Variants in SLC18B1 observed in about 807,000 individuals in gnomAD.
SLC18B1 encodes MFS-type transporter SLC18B1.
SLC18B1 carries 62 observed loss-of-function variants against 53.9 expected under a neutral mutation model. That is an observed-to-expected ratio of 1.15 (90% CI 0.94 to 1.42). The LOEUF (loss-of-function observed/expected upper bound fraction) is 1.42, where lower values mean the gene tolerates loss of function less well. SLC18B1 is among the 40% of genes most tolerant of loss of function. SLC18B1 has a pLI of 0.00. For synonymous variants in SLC18B1, 217 were observed against 200.9 expected (o/e 1.08, Z -0.68); for missense variants, 598 against 547.3 (o/e 1.09, Z -0.93).
At chr6:132,790,540 A>G (rs78663019) in intron 2 of SLC18B1, among the ~76,000 whole-genome samples, 1 of 152,234 alleles carries the variant, frequency 6.6e-6, no homozygotes, top group Non-Finnish European at 1.5e-5. Flanking sequence ...TCAGAATCAG[A>G]GTGTATAAAC....
intron 2 of SLC18B1, among the ~76,000 whole-genome samples, chr6:132,793,075 G>A (rs1408641387): frequency 1.3e-5 from 2 of 152,066 alleles, no homozygotes; most frequent in African/African-American, 4.8e-5. Context: ...AAGCTGAGAC[G>A]ATGCCGCAGC....
intron 2 of SLC18B1, 84 bp from the exon 3 acceptor site, chr6:132,790,356 T>A: frequency 1.1e-6 from 1 of 938,142 alleles, no homozygotes; most frequent in Non-Finnish European, 1.6e-6. Context: ...CAGGGCATCA[T>A]CTTCTTGTGA....
chr6:132,793,501 T>A (rs550842041), intron 2 of SLC18B1, among the ~76,000 whole-genome samples: 7 of 152,326 alleles, frequency 4.6e-5, no homozygotes, highest in African/African-American at 1.2e-4. Flanking sequence ...CTTGCCAGCA[T>A]AATGTCATAA....
At chr6:132,793,433 C>T (rs999415955) in intron 2 of SLC18B1, among the ~76,000 whole-genome samples, 8 of 152,156 alleles carry the variant, frequency 5.3e-5, no homozygotes, top group South Asian at 2.1e-4. Context: ...TTCAGCCTTC[C>T]CTCTGCGAGG....
intron 6 of SLC18B1, among the ~76,000 whole-genome samples, chr6:132,779,967 TG>T (rs1781190823): frequency 6.6e-6 from 1 of 152,094 alleles, no homozygotes; most frequent in Non-Finnish European, 1.5e-5. Context: ...GAGAACAGTA[TG>T]GGGGAAATCA....
chr6:132,792,822 T>G (rs1397415327), intron 2 of SLC18B1, among the ~76,000 whole-genome samples: 1 of 152,078 alleles, frequency 6.6e-6, no homozygotes. Context: ...AAACAGCTAT[T>G]AAAAGCAATT....
chr6:132,783,759 T>A (rs1410648550), intron 6 of SLC18B1, among the ~76,000 whole-genome samples, 174 bp downstream of exon 6: 1 of 152,242 alleles, frequency 6.6e-6, no homozygotes, highest in Non-Finnish European at 1.5e-5. Flanking sequence ...TTGGAAAGAA[T>A]TTGTAATTTA....
chr6:132,790,395 A>G, intron 2 of SLC18B1, 123 bp from the exon 3 acceptor site: 1 of 586,062 alleles, frequency 1.7e-6, no homozygotes, highest in Non-Finnish European at 2.8e-6. Flanking sequence ...TTTCAAAAAG[A>G]TTATTCTTTT....
At chr6:132,778,702 A>C (rs1781155202) in intron 7 of SLC18B1, among the ~76,000 whole-genome samples, 2 of 152,220 alleles carry the variant, frequency 1.3e-5, no homozygotes, top group Non-Finnish European at 2.9e-5. Flanking sequence ...TCACTGTGTC[A>C]GTAATAATAT....
intron 2 of SLC18B1, among the ~76,000 whole-genome samples, chr6:132,792,754 C>A (rs1367854686): frequency 6.6e-6 from 1 of 152,172 alleles, no homozygotes; most frequent in Admixed American, 6.5e-5. Flanking sequence ...CCACATGCTA[C>A]AGCAGCAGCC....
intron 11 of SLC18B1, 110 bp from the exon 12 acceptor site, chr6:132,771,239 G>A (rs928539841): frequency 1.1e-6 from 1 of 950,900 alleles, no homozygotes; most frequent in Admixed American, 2.3e-5. Context: ...TGGAAGATAA[G>A]TACTAAAGAT....
At chr6:132,791,051 T>C (rs901169253) in intron 2 of SLC18B1, among the ~76,000 whole-genome samples, 7 of 152,204 alleles carry the variant, frequency 4.6e-5, no homozygotes, top group Non-Finnish European at 8.8e-5. Flanking sequence ...TTAAAAAACT[T>C]TGTCAAGTCC....
chr6:132,782,873 C>G (rs1256458121), intron 6 of SLC18B1, among the ~76,000 whole-genome samples: 1 of 151,294 alleles, frequency 6.6e-6, no homozygotes, highest in Non-Finnish European at 1.5e-5. Flanking sequence ...CTCCTAGGTT[C>G]AAACAATTCT....
In SLC18B1 at chr6:132,791,476, AT is replaced by A. The variant is rs141151138; in HGVS notation, c.184-1205del. On this transcript the variant is annotated intron_variant, in intron 2 of 13. Coordinates refer to ENST00000275227, the MANE Select transcript of SLC18B1 (RefSeq NM_052831.3). ...CATTCAATCTTTGTCTTTTTCAAGG[AT>A]TTTTTTTTTGCATGTCAGACTATGC... Among the ~76,000 whole-genome samples the A allele has an allele frequency of 8.3e-3, 1,238 of 149,574 alleles. 17 individuals carry two copies. The highest frequency in any genetic ancestry group is 0.029 in the African/African-American group (1,179 of 40,928).
At chr6:132,780,259 C>A (rs1562265078) in intron 6 of SLC18B1, among the ~76,000 whole-genome samples, 1 of 152,002 alleles carries the variant, frequency 6.6e-6, no homozygotes, top group Non-Finnish European at 1.5e-5. Flanking sequence ...CACTACCTCA[C>A]CTAGCTAATT....
rs564206536 is a variant in SLC18B1, at chr6:132,782,886, TG to T, written c.658+1046del. Among the ~76,000 whole-genome samples the T allele has an allele frequency of 1.0e-3, 154 of 152,032 alleles. 1 individual carries two copies. The highest frequency in any genetic ancestry group is 3.6e-3 in the African/African-American group (151 of 41,476). Reference sequence around the variant, plus strand: ...GCCTCCTAGGTTCAAACAATTCTCCTGTCTCAGCCTCCTGAGTAGCTGGGAG... The same window carrying T: ...GCCTCCTAGGTTCAAACAATTCTCCTTCTCAGCCTCCTGAGTAGCTGGGAG... On this transcript the variant is annotated intron_variant, in intron 6 of 13. Transcript: ENST00000275227.
At position 132,781,317 on chromosome 6, in the gene SLC18B1, C is replaced by T. The variant is rs183683891; in HGVS notation, c.659-1913G>A. Reference sequence around the variant, plus strand: ...GGTATTTGCTTGAAGGGACATGACTCCCTGGCTGACAAAGCCTGCACAGGA... The same window carrying T: ...GGTATTTGCTTGAAGGGACATGACTTCCTGGCTGACAAAGCCTGCACAGGA... On this transcript the variant is annotated intron_variant, in intron 6 of 13. Coordinates refer to ENST00000275227, the MANE Select transcript of SLC18B1 (RefSeq NM_052831.3). 7.5e-3 allele frequency among the ~76,000 whole-genome samples: 1,138 copies of T among 151,914 alleles called. 4 individuals carry two copies. Among genetic ancestry groups the T allele is most frequent in the Non-Finnish European group, 0.013 (898 of 67,976 alleles).
chr6:132,777,684 A>C (rs1781132982), intron 7 of SLC18B1, among the ~76,000 whole-genome samples: 1 of 152,262 alleles, frequency 6.6e-6, no homozygotes, highest in Non-Finnish European at 1.5e-5. Flanking sequence ...ATTGCACTCC[A>C]GCCTGGGCAA....
Position 132,797,044 on chromosome 6 carries a change from C to CT in SLC18B1, c.120dup (p.Ala41SerfsTer23). Reference sequence around the variant, plus strand: ...ATCATGGAACCTAAGTTCACCGAAGCTGCCGATATCAGTACAAAAACCTGT... The same window carrying CT: ...ATCATGGAACCTAAGTTCACCGAAGCTTGCCGATATCAGTACAAAAACCTGT... On this transcript the variant is annotated frameshift_variant, in exon 2 of 14. Coordinates refer to ENST00000275227, the MANE Select transcript of SLC18B1 (RefSeq NM_052831.3). LOFTEE classifies it high-confidence loss of function. The CT allele has an allele frequency of 6.2e-7, 1 of 1,614,162 alleles. No homozygotes were observed.
Sources: allele counts gnomAD v4.1 joint callset (sites outside exome capture counted in the v4.1 genomes callset), GRCh38; gene constraint gnomAD v4.1.1; transcripts MANE v1.5; gene names NCBI Gene and HGNC (gene_info 2026-07-23, HGNC 2026-07-21).